ZFP62: variants seen among roughly 807,000 people sequenced by gnomAD.
ZFP62 encodes zinc finger protein 62 homolog.
ZFP62 carries 44 observed loss-of-function variants against 56.4 expected under a neutral mutation model. The observed-to-expected ratio is 0.78, with a 90% CI of 0.61 to 1.00. The LOEUF is 1.00. ZFP62 is among the 50% of genes least tolerant of loss of function. The probability of loss-of-function intolerance (pLI) is 0.00; values close to 1 mark genes in which losing one functional copy is unlikely to be tolerated. For synonymous variants in ZFP62, 421 were observed against 388.9 expected (o/e 1.08, Z -0.97); for missense variants, 1,030 against 1,085.7 (o/e 0.95, Z 0.72).
chr5:180,859,746 AGAAGG>A (rs1774206306), intron 1 of ZFP62, among the ~76,000 whole-genome samples: 1 of 152,230 alleles, frequency 6.6e-6, no homozygotes, highest in African/African-American at 2.4e-5. Flanking sequence ...GACAAGTCTC[AGAAGG>A]GAAGAACTAC....
chr5:180,833,737 C>G, the ZFP62 span, among the ~76,000 whole-genome samples: 1 of 150,136 alleles, frequency 6.7e-6, no homozygotes, highest in Non-Finnish European at 1.5e-5. Flanking sequence ...GTGGCACGAT[C>G]TCGGCTCACT....
chr5:180,843,522 A>T (rs936947357), downstream of ZFP62, among the ~76,000 whole-genome samples: 5 of 152,210 alleles, frequency 3.3e-5, no homozygotes, highest in African/African-American at 1.2e-4. Flanking sequence ...CGGTAACCAA[A>T]AAAGAAGCTG....
At chr5:180,859,789 C>G (rs1438796803) in intron 1 of ZFP62, among the ~76,000 whole-genome samples, 2 of 152,218 alleles carry the variant, frequency 1.3e-5, no homozygotes, top group African/African-American at 4.8e-5. Flanking sequence ...TTTAAACACT[C>G]TACATCAGTG....
At chr5:180,836,627 G>A in the ZFP62 span, among the ~76,000 whole-genome samples, 1 of 152,190 alleles carries the variant, frequency 6.6e-6, no homozygotes, top group African/African-American at 2.4e-5. Flanking sequence ...TATTTTTAGG[G>A]GGCACAAGTG....
At chr5:180,842,433 T>C in the ZFP62 span, among the ~76,000 whole-genome samples, 5 of 151,698 alleles carry the variant, frequency 3.3e-5, no homozygotes, top group Non-Finnish European at 7.4e-5. Context: ...TAAAACACAG[T>C]GAAACTGGAA....
At chr5:180,838,500 G>T in the ZFP62 span, among the ~76,000 whole-genome samples, 8 of 152,262 alleles carry the variant, frequency 5.3e-5, no homozygotes, top group South Asian at 1.5e-3. Flanking sequence ...ACTTGCACGG[G>T]GTCTGAGCAT....
the ZFP62 span, among the ~76,000 whole-genome samples, chr5:180,827,392 C>T: frequency 6.6e-6 from 1 of 152,304 alleles, no homozygotes; most frequent in Middle Eastern, 3.4e-3. Context: ...AATCTGTGAC[C>T]TTACCCCCAA....
the ZFP62 span, among the ~76,000 whole-genome samples, chr5:180,827,078 C>G: frequency 6.6e-6 from 1 of 152,170 alleles, no homozygotes. Flanking sequence ...CTAGTTAGGC[C>G]ACTGTCTAAG....
At chr5:180,844,601 G>T (rs1773374108), downstream of ZFP62, among the ~76,000 whole-genome samples, 1 of 152,328 alleles carries the variant, frequency 6.6e-6, no homozygotes. Flanking sequence ...AGGCCAGAAA[G>T]GCAAGCGTGA....
At chr5:180,859,565 G>C (rs558850939) in intron 1 of ZFP62, among the ~76,000 whole-genome samples, 2 of 152,312 alleles carry the variant, frequency 1.3e-5, no homozygotes, top group South Asian at 2.1e-4. Context: ...AACTGAAATA[G>C]AACATTCTCA....
At chr5:180,853,358 AC>A (rs1773811818) in intron 1 of ZFP62, among the ~76,000 whole-genome samples, 3 of 152,304 alleles carry the variant, frequency 2.0e-5, no homozygotes, top group East Asian at 3.9e-4. Flanking sequence ...AAACAGGAAA[AC>A]AAGCACGTAT....
At chr5:180,827,077 C>T in the ZFP62 span, among the ~76,000 whole-genome samples, 1 of 152,196 alleles carries the variant, frequency 6.6e-6, no homozygotes, top group African/African-American at 2.4e-5. Context: ...TCTAGTTAGG[C>T]CACTGTCTAA....
chr5:180,843,055 A>AAAT (rs1561898005), downstream of ZFP62, among the ~76,000 whole-genome samples: 1 of 146,036 alleles, frequency 6.8e-6, no homozygotes, highest in Admixed American at 6.8e-5. Flanking sequence ...AAAAAAAAAT[A>AAAT]AATAAATAAA....
chr5:180,843,711 T>C (rs906387941), downstream of ZFP62, among the ~76,000 whole-genome samples: 1 of 152,258 alleles, frequency 6.6e-6, no homozygotes, highest in African/African-American at 2.4e-5. Flanking sequence ...GTCTCATTAA[T>C]AGAAGCAAAT....
In ZFP62 at chr5:180,850,351, C is replaced by T; in HGVS notation, c.1144G>A (p.Val382Met). Residue 382 changes from valine to methionine, a missense_variant, in exon 2 of 2, where the codon GTG (valine) becomes ATG (methionine). By Grantham distance (21) the Val-to-Met change is conservative (BLOSUM62 1). Transcript: ENST00000502412. ...KAFRNSSGLI[V>M]HKRIHTGEKP... ...TCTCCTGTGTGGATCCTTTTATGCACTATGAGGCCTGAGCTGTTCCTGAAA... is the reference window on the plus strand; with the variant it reads ...TCTCCTGTGTGGATCCTTTTATGCATTATGAGGCCTGAGCTGTTCCTGAAA... The T allele has an allele frequency of 1.9e-6, 3 of 1,568,974 alleles. No individual in the cohort carries two copies. The highest frequency in any genetic ancestry group is 2.6e-6 in the Non-Finnish European group (3 of 1,157,118).
the ZFP62 span, among the ~76,000 whole-genome samples, chr5:180,833,914 C>T: frequency 6.6e-6 from 1 of 152,162 alleles, no homozygotes; most frequent in Non-Finnish European, 1.5e-5. Context: ...CATGATCCGC[C>T]CGCCTCGGCC....
the ZFP62 span, among the ~76,000 whole-genome samples, chr5:180,839,847 T>G: frequency 0.11 from 17,230 of 152,200 alleles, 1,065 homozygotes; most frequent in South Asian, 0.15. Flanking sequence ...CCTTAAGAAC[T>G]CCCAGCGCCA....
the ZFP62 span, among the ~76,000 whole-genome samples, chr5:180,837,466 T>A: frequency 6.6e-6 from 1 of 152,174 alleles, no homozygotes; most frequent in African/African-American, 2.4e-5. Flanking sequence ...AGAAGCTGAA[T>A]GACAGATGTC....
Position 180,849,641 on chromosome 5 carries a change from T to G in ZFP62, c.1854A>C (p.Lys618Asn), listed in dbSNP as rs1773572725. The G allele has an allele frequency of 6.4e-7, 1 of 1,551,392 alleles. No homozygotes were observed. The highest frequency in any genetic ancestry group is 1.4e-5 in the African/African-American group (1 of 72,864). ...TAAAAGATTTCTCACACACATCACA[T>G]TTGTAGGGCTTCTCCCCAAGATGAA... Reference protein sequence around the residue: ...KKVHLGEKPYKCDVCEKSFNY... With the variant: ...KKVHLGEKPYNCDVCEKSFNY... Residue 618 changes from lysine to asparagine, a missense_variant, in exon 2 of 2, where the codon AAA (lysine) becomes AAC (asparagine). Transcript: ENST00000502412.
Sources: allele counts gnomAD v4.1 joint callset (sites outside exome capture counted in the v4.1 genomes callset), GRCh38; gene constraint gnomAD v4.1.1; transcripts MANE v1.5; gene names NCBI Gene and HGNC (gene_info 2026-07-23, HGNC 2026-07-21).